The following CEP57 variants were observed in gnomAD, a reference collection of about 807,000 sequenced individuals.
The protein encoded by CEP57 is centrosomal protein of 57 kDa.
Under a neutral mutation model 68.0 loss-of-function variants are expected in CEP57, and 40 were observed. The observed-to-expected ratio is 0.59, with a 90% CI of 0.46 to 0.77. The LOEUF (loss-of-function observed/expected upper bound fraction) is 0.77. Among genes scored for constraint, CEP57 ranks in the 30% least tolerant of loss-of-function variants. The probability of loss-of-function intolerance (pLI) is 0.00; values close to 1 mark genes in which losing one functional copy is unlikely to be tolerated. For missense variants in CEP57, 606 were observed against 580.7 expected, an observed-to-expected ratio of 1.04 and a Z score of -0.45; for synonymous variants, 219 against 198.7, an observed-to-expected ratio of 1.10 and a Z score of -0.86.
At chr11:95,800,352 C>A (rs756644838) in intron 2 of CEP57, among the ~76,000 whole-genome samples, 1 of 151,892 alleles carries the variant, frequency 6.6e-6, no homozygotes, top group African/African-American at 2.4e-5. Flanking sequence ...TTATTGTCTC[C>A]TACGGTAACA....
intron 6 of CEP57, among the ~76,000 whole-genome samples, 160 bp downstream of exon 6, chr11:95,819,064 T>C (rs940952870): frequency 6.6e-6 from 1 of 152,232 alleles, no homozygotes; most frequent in Non-Finnish European, 1.5e-5. Flanking sequence ...TGAACAAGTA[T>C]TTTTATAGAC....
chr11:95,824,192 G>A (rs1373251352), intron 8 of CEP57, among the ~76,000 whole-genome samples: 1 of 151,794 alleles, frequency 6.6e-6, no homozygotes, highest in Non-Finnish European at 1.5e-5. Context: ...ACTGTAGTAA[G>A]CGATGATGGC....
At chr11:95,809,444 G>A in intron 2 of CEP57, among the ~76,000 whole-genome samples, 1 of 152,172 alleles carries the variant, frequency 6.6e-6, no homozygotes, top group East Asian at 1.9e-4. Flanking sequence ...AAAATTGATA[G>A]ACCACTAGCA....
At chr11:95,809,718 A>T (rs61903289) in intron 2 of CEP57, among the ~76,000 whole-genome samples, 9,922 of 152,226 alleles carry the variant, frequency 0.065, 412 homozygotes, top group Middle Eastern at 0.13. Flanking sequence ...ATAGCCTGCC[A>T]ACCAAAAAAA....
At chr11:95,800,383 CT>C (rs376975372) in intron 2 of CEP57, among the ~76,000 whole-genome samples, 1,780 of 147,012 alleles carry the variant, frequency 0.012, 28 homozygotes, top group African/African-American at 0.036. Flanking sequence ...TCTCATGTTT[CT>C]TTTTTTTTTT....
intron 1 of CEP57, among the ~76,000 whole-genome samples, chr11:95,793,762 A>C (rs1241193582): frequency 6.6e-6 from 1 of 152,222 alleles, no homozygotes; most frequent in African/African-American, 2.4e-5. Flanking sequence ...GGTTGAGTCA[A>C]AGTTCTCTAG....
In CEP57 at chr11:95,790,743, G is replaced by A. The variant is rs1172988740; in HGVS notation, c.45G>A (p.Ser15=). The change falls in exon 1 of 11, where the codon TCG becomes TCA. Residue 15 remains serine (S), a splice_region_variant and synonymous_variant. Coordinates refer to ENST00000325542, the MANE Select transcript of CEP57 (RefSeq NM_014679.5). The part of the protein sequence containing the change: ...SVSAASGSHL[S]NSFAEPSRSN... ...CTGCGGCTTCTGGTTCTCACTTGTCGGTAAGAAGCAGTTGGCGCGAGTGGG... is the reference window on the plus strand; with the variant it reads ...CTGCGGCTTCTGGTTCTCACTTGTCAGTAAGAAGCAGTTGGCGCGAGTGGG... 6.2e-7 allele frequency: 1 copy of A among 1,614,034 alleles called. No homozygotes were observed. Among genetic ancestry groups the A allele is most frequent in the Non-Finnish European group, 8.5e-7 (1 of 1,179,990 alleles).
chr11:95,791,084 T>G (rs1354252835), intron 1 of CEP57, among the ~76,000 whole-genome samples: 2 of 152,268 alleles, frequency 1.3e-5, no homozygotes, highest in Middle Eastern at 3.4e-3. Context: ...GTCACGTGGG[T>G]TCAGCGGCCC....
In CEP57 at chr11:95,818,997, G is replaced by A. The variant is rs190912541; in HGVS notation, c.699+93G>A. The A allele has an allele frequency of 7.2e-4, 721 of 999,768 alleles. 5 individuals are homozygous for A. In the African/African-American group the frequency reaches 0.01, roughly 14 times the overall value. 61.9% of individuals were successfully genotyped at this position (999,768 alleles called of 1,614,324 possible). A position where few individuals can be genotyped will look rare whatever the true frequency, so the allele number is the denominator to read the frequency against. On this transcript the variant is annotated intron_variant, in intron 6 of 10. Transcript: ENST00000325542. ...TACATTTAGGTATCTTACATTATTTGTATTTTAGAATAGTCCAACATACAA... is the reference window on the plus strand; with the variant it reads ...TACATTTAGGTATCTTACATTATTTATATTTTAGAATAGTCCAACATACAA...
intron 2 of CEP57, among the ~76,000 whole-genome samples, chr11:95,801,450 C>CAAAA (rs200265603): frequency 2.5e-4 from 17 of 66,676 alleles, no homozygotes; most frequent in South Asian, 1.1e-3. Flanking sequence ...TTTTAAAAAG[C>CAAAA]AAAAAAAAAA....
intron 4 of CEP57, among the ~76,000 whole-genome samples, chr11:95,814,799 A>G (rs1862232585): frequency 6.6e-6 from 1 of 152,194 alleles, no homozygotes; most frequent in Admixed American, 6.5e-5. Context: ...GATGCCCTGC[A>G]ATGGAAAAAA....
intron 1 of CEP57, among the ~76,000 whole-genome samples, chr11:95,798,384 C>T (rs1453711814): frequency 6.6e-6 from 1 of 152,124 alleles, no homozygotes; most frequent in Non-Finnish European, 1.5e-5. Flanking sequence ...ATTCATTGTG[C>T]TCTTGTACTT....
At chr11:95,812,375 A>G (rs1218295836) in intron 2 of CEP57, among the ~76,000 whole-genome samples, 2 of 152,084 alleles carry the variant, frequency 1.3e-5, no homozygotes, top group Non-Finnish European at 2.9e-5. Flanking sequence ...TTACCATAGT[A>G]ATGGGGTTTT....
Position 95,822,525 on chromosome 11 carries a change from A to G in CEP57, c.834A>G (p.Ala278=). 2 of 1,613,742 alleles carry G rather than the reference A, an allele frequency of 1.2e-6. No individual in the cohort carries two copies. Among genetic ancestry groups the G allele is most frequent in the Non-Finnish European group, 1.7e-6 (2 of 1,179,722 alleles). ...EKKSSRNYFG[A]QPHYRLCLGD... Reference sequence around the variant, plus strand: ...AAAGTTCTAGGAACTATTTTGGTGCACAACCACATTATAGATTATGCTTGG... The same window carrying G: ...AAAGTTCTAGGAACTATTTTGGTGCGCAACCACATTATAGATTATGCTTGG... Residue 278 remains alanine, a synonymous_variant, in exon 8 of 11, where the codon GCA becomes GCG. Coordinates refer to ENST00000325542, the MANE Select transcript of CEP57 (RefSeq NM_014679.5).
rs144213193 is a variant in CEP57, at chr11:95,803,047, A to T, written c.202+3659A>T. Among the ~76,000 whole-genome samples the T allele has an allele frequency of 1.3e-3, 202 of 152,294 alleles. No individual in the cohort carries two copies. In the East Asian group the frequency reaches 0.034, roughly 26 times the overall value. ...TGTATGTGGTCTATATGTTTGAGGG[A>T]CTGAGGTTTACATCAGAAGTAAGTC... On this transcript the variant is annotated intron_variant, in intron 2 of 10. Coordinates refer to ENST00000325542, the MANE Select transcript of CEP57 (RefSeq NM_014679.5).
chr11:95,814,530 T>C (rs1432313061), intron 4 of CEP57, among the ~76,000 whole-genome samples: 1 of 152,074 alleles, frequency 6.6e-6, no homozygotes, highest in Non-Finnish European at 1.5e-5. Context: ...CCGGCTAATT[T>C]TGTATTTTTA....
upstream of CEP57, chr11:95,790,417 A>G (rs1860957302): frequency 1.9e-6 from 1 of 534,634 alleles, no homozygotes. Context: ...GTCACCAGGG[A>G]AGAGGCGGAT....
At chr11:95,792,427 G>A (rs989214367) in intron 1 of CEP57, among the ~76,000 whole-genome samples, 2 of 152,146 alleles carry the variant, frequency 1.3e-5, no homozygotes, top group Admixed American at 1.3e-4. Flanking sequence ...CTGAAGTGAG[G>A]TATGATAGTG....
At chr11:95,797,584 A>G (rs1354784849) in intron 1 of CEP57, among the ~76,000 whole-genome samples, 1 of 152,154 alleles carries the variant, frequency 6.6e-6, no homozygotes, top group Non-Finnish European at 1.5e-5. Context: ...CATCAGCCTA[A>G]CAAGGATACC....
Sources: gnomAD v4.1 joint callset for allele counts (sites outside exome capture counted in the v4.1 genomes callset) on GRCh38, gnomAD v4.1.1 for gene constraint, MANE v1.5 for transcripts, NCBI Gene and HGNC (gene_info 2026-07-23, HGNC 2026-07-21) for gene names.